The following STS variants were observed in gnomAD, a reference collection of about 807,000 sequenced individuals.
STS encodes the protein steroid sulfatase.
Under a neutral mutation model 26.8 loss-of-function variants are expected in STS, and 7 were observed. That is an observed-to-expected ratio of 0.26 (90% confidence interval 0.15 to 0.49). The LOEUF (loss-of-function observed/expected upper bound fraction) is 0.49. Ranked by LOEUF, STS falls within the 20% of genes least tolerant of loss-of-function variation. The pLI is 0.98. For missense variants in STS, 434 were observed against 465.6 expected (o/e 0.93, Z 0.63); for synonymous variants, 199 against 189.4 (o/e 1.05, Z -0.42).
At chrX:7,325,125 G>C (rs1457689235) in intron 8 of STS, among the ~76,000 whole-genome samples, 3 of 111,881 alleles carry the variant, frequency 2.7e-5, no homozygotes, top group Admixed American at 9.5e-5. Context: ...ATGCCATACA[G>C]TGCTGACCAT....
intron 2 of STS, among the ~76,000 whole-genome samples, chrX:7,229,754 A>G (rs1304185689): frequency 2.7e-5 from 3 of 111,142 alleles, no homozygotes; most frequent in African/African-American, 9.8e-5. Context: ...GGTCAGCTGG[A>G]TTCTTCCTCT....
At chrX:7,212,870 C>T (rs1921091539) in intron 2 of STS, among the ~76,000 whole-genome samples, 1 of 112,116 alleles carries the variant, frequency 8.9e-6, no homozygotes, top group Non-Finnish European at 1.9e-5. Context: ...ATCTGAAGTG[C>T]CTTCTAATGG....
chrX:7,242,296 TTTAATAATAACTTTATAAG>T (rs1175712408), intron 2 of STS, among the ~76,000 whole-genome samples: 1 of 110,800 alleles, frequency 9.0e-6, no homozygotes, highest in Non-Finnish European at 1.9e-5. Flanking sequence ...TAGTTGTAAT[TTTAATAATAACTTTATAAG>T]TTAATAATAA....
chrX:7,350,207 C>T lies in STS; in HGVS notation c.1683C>T (p.Thr561=), dbSNP rs377048081. The change falls in exon 11 of 11, where the codon ACC becomes ACT. Residue 561 remains threonine, a synonymous_variant. Coordinates refer to ENST00000674429, the MANE Select transcript of STS (RefSeq NM_001320752.2). The part of the protein sequence containing the change: ...KPWLQLCCPS[T]GLSCQCDREK... ...GGCTTCAGCTGTGCTGTCCTTCCAC[C>T]GGCCTGTCTTGCCAGTGTGATAGAG... 30 of 1,210,095 alleles carry T rather than the reference C, an allele frequency of 2.5e-5. No homozygotes were observed. Among genetic ancestry groups the T allele is most frequent in the South Asian group, 5.3e-5 (3 of 56,781 alleles).
At chrX:7,181,963 A>C (rs1372305970) in intron 1 of STS, among the ~76,000 whole-genome samples, 1 of 110,800 alleles carries the variant, frequency 9.0e-6, no homozygotes, top group African/African-American at 3.3e-5. Flanking sequence ...AGTCCCAGCT[A>C]CTTGGGAGGC....
chrX:7,326,263 A>T (rs1355032275), intron 9 of STS, among the ~76,000 whole-genome samples: 1 of 109,584 alleles, frequency 9.1e-6, no homozygotes, highest in African/African-American at 3.3e-5. Context: ...CAATGTAAAA[A>T]CCCCTCTGCC....
rs1249790899 is a variant in STS, at chrX:7,351,218, G to A, written c.*957G>A. On this transcript the variant is annotated 3_prime_UTR_variant, in exon 11 of 11. Transcript: ENST00000674429. ...CTTCCAGTGTAATTCAGAATCATTG[G>A]CCTAGAAAGTCTCTGATATTTGGAG... 3.6e-5 allele frequency: 4 copies of A among 111,801 alleles called. No homozygotes were observed. Among genetic ancestry groups the A allele is most frequent in the African/African-American group, 1.3e-4 (4 of 30,727 alleles). 9.2% of individuals were successfully genotyped at this position (111,801 alleles called of 1,213,427 possible).
rs191206057 is a variant in STS at position 7,283,455 on chromosome X, A to G, written c.943+7368A>G. On this transcript the variant is annotated intron_variant, in intron 7 of 10. Transcript: ENST00000674429. ...TGTAACTCCTGTAAATTGTAGAATT[A>G]TAGTGTATTACAGAGAATGATATTT... is the stretch of plus-strand genomic sequence containing the variant. 1.1e-4 allele frequency among the ~76,000 whole-genome samples: 12 copies of G among 112,145 alleles called. No individual in the cohort carries two copies. In the East Asian group the frequency reaches 3.4e-3, roughly 32 times the overall value.
chrX:7,251,033 G>C (rs1199362402), intron 2 of STS, among the ~76,000 whole-genome samples: 2 of 112,233 alleles, frequency 1.8e-5, no homozygotes, highest in African/African-American at 6.5e-5. Context: ...TAAATTGATG[G>C]TCATACAACT....
intron 10 of STS, among the ~76,000 whole-genome samples, chrX:7,336,583 A>C (rs1928041381): frequency 8.9e-6 from 1 of 111,837 alleles, no homozygotes; most frequent in South Asian, 3.7e-4. Context: ...TTTTATTCAC[A>C]TATCTCATCC....
At chrX:7,147,489 G>A (rs935459767), upstream of STS, among the ~76,000 whole-genome samples, 2 of 112,059 alleles carry the variant, frequency 1.8e-5, no homozygotes, top group South Asian at 7.5e-4. Flanking sequence ...AATGTCTCCT[G>A]ACATCGCCAT....
At chrX:7,271,058 C>T (rs986264054) in intron 6 of STS, among the ~76,000 whole-genome samples, 1 of 108,465 alleles carries the variant, frequency 9.2e-6, no homozygotes, top group Non-Finnish European at 1.9e-5. Flanking sequence ...GAATCCAAGT[C>T]GAAACTGGAC....
chrX:7,221,285 C>A (rs1921554342), intron 2 of STS, among the ~76,000 whole-genome samples: 1 of 112,513 alleles, frequency 8.9e-6, no homozygotes, highest in African/African-American at 3.2e-5. Context: ...TTCTGACGCA[C>A]ATGCCATTCC....
At chrX:7,193,124 C>T (rs1376370585) in intron 2 of STS, among the ~76,000 whole-genome samples, 1 of 112,477 alleles carries the variant, frequency 8.9e-6, no homozygotes, top group Non-Finnish European at 1.9e-5. Context: ...CGTCTGAAAG[C>T]AACATCCGTG....
At position 7,333,982 on chromosome X, in the gene STS, A is replaced by G. The variant is rs1217433369; in HGVS notation, c.1242-4A>G. On this transcript the variant is annotated splice_region_variant and splice_polypyrimidine_tract_variant and intron_variant, in intron 9 of 10. Coordinates refer to ENST00000674429, the MANE Select transcript of STS (RefSeq NM_001320752.2). ...GTCTTGATGCCTGGCTGTTTATCCC[A>G]CAGGATCATTGATGGACGTGATCTG... is the stretch of plus-strand genomic sequence containing the variant. 6 of 1,211,364 alleles carry G rather than the reference A, an allele frequency of 5.0e-6. No individual in the cohort carries two copies. The East Asian group carries it at 8.9e-5, about 18-fold the overall frequency.
At chrX:7,169,062 C>T in intron 1 of STS, among the ~76,000 whole-genome samples, 1 of 110,733 alleles carries the variant, frequency 9.0e-6, no homozygotes, top group Non-Finnish European at 1.9e-5. Context: ...CACATTAAAC[C>T]ACCATCTGTC....
At chrX:7,340,763 A>G (rs1342077851) in intron 10 of STS, among the ~76,000 whole-genome samples, 4 of 112,498 alleles carry the variant, frequency 3.6e-5, no homozygotes, top group Non-Finnish European at 7.5e-5. Flanking sequence ...GGGGTGCAGA[A>G]TCTTTCAAGC....
chrX:7,208,613 A>G (rs766533246), intron 2 of STS, among the ~76,000 whole-genome samples: 1 of 109,908 alleles, frequency 9.1e-6, no homozygotes, highest in South Asian at 3.9e-4. Context: ...TTCTGTCTCC[A>G]CCTCCCTTCT....
chrX:7,170,089 A>G (rs1156667376), intron 1 of STS, among the ~76,000 whole-genome samples: 1 of 111,952 alleles, frequency 8.9e-6, no homozygotes, highest in Admixed American at 9.5e-5. Flanking sequence ...AAATGGTCAT[A>G]TAAAGCAATC....
Sources: gnomAD v4.1 joint callset for allele counts (sites outside exome capture counted in the v4.1 genomes callset) on GRCh38, gnomAD v4.1.1 for gene constraint, MANE v1.5 for transcripts, NCBI Gene and HGNC (gene_info 2026-07-23, HGNC 2026-07-21) for gene names.